The following CDH2 variants were observed in gnomAD, a reference collection of about 807,000 sequenced individuals.
The protein encoded by CDH2 is cadherin-2.
CDH2 carries 17 observed loss-of-function variants against 92.0 expected under a neutral mutation model. The observed-to-expected ratio is 0.18, with a 90% CI of 0.13 to 0.28. The LOEUF is 0.28. Ranked by LOEUF, CDH2 falls within the 10% of genes least tolerant of loss-of-function variation. The pLI is 1.00. For missense variants in CDH2, 862 were observed against 1,133.1 expected (o/e 0.76, Z 3.44); for synonymous variants, 419 against 415.9 (o/e 1.01, Z -0.09).
rs1909212769 is a variant in CDH2, at chr18:27,944,205, C to T, written c.1152-11081G>A. On this transcript the variant is annotated intron_variant, in intron 6 of 6. Transcript: ENST00000675173. Reference sequence around the variant, plus strand: ...AAACTCTAAAATTTCAATATGCAAACTACCTTTCTCACAAAGTAGAAACTA... The same window carrying T: ...AAACTCTAAAATTTCAATATGCAAATTACCTTTCTCACAAAGTAGAAACTA... Among the ~76,000 whole-genome samples, 5 of 152,096 alleles carry T rather than the reference C, an allele frequency of 3.3e-5. No individual in the cohort carries two copies. In the South Asian group the frequency reaches 6.2e-4, roughly 19 times the overall value.
At chr18:28,103,722 A>G (rs1311555633) in intron 2 of CDH2, among the ~76,000 whole-genome samples, 1 of 151,862 alleles carries the variant, frequency 6.6e-6, no homozygotes, top group Non-Finnish European at 1.5e-5. Context: ...TCATTATTCA[A>G]TTCCCACTTA....
At chr18:28,070,463 G>A (rs1032448000) in intron 2 of CDH2, among the ~76,000 whole-genome samples, 3 of 152,190 alleles carry the variant, frequency 2.0e-5, no homozygotes, top group Admixed American at 2.0e-4. Flanking sequence ...CTCATTCCAT[G>A]GCACCAGGTT....
intron 6 of CDH2, among the ~76,000 whole-genome samples, chr18:27,940,506 C>A (rs886714042): frequency 6.6e-6 from 1 of 152,198 alleles, no homozygotes; most frequent in East Asian, 1.9e-4. Flanking sequence ...CCCTTGCCAA[C>A]TCTTTGGAGC....
rs1339975549 is a variant in CDH2, at chr18:28,044,125, C to T, written c.173-30216G>A. 2.0e-5 allele frequency among the ~76,000 whole-genome samples: 3 copies of T among 152,072 alleles called. No homozygotes were observed. In the East Asian group the frequency reaches 5.8e-4, roughly 29 times the overall value. The stretch of plus-strand genomic sequence containing the variant: ...ATAGGTTTTCACCATGTTGGCCAGG[C>T]TGGTCTTTAACTCCTGATCTCAAGT... On this transcript the variant is annotated intron_variant, in intron 2 of 15. Transcript: ENST00000269141.
chr18:28,169,777 T>C (rs2016437413), intron 1 of CDH2, among the ~76,000 whole-genome samples: 2 of 152,200 alleles, frequency 1.3e-5, no homozygotes, highest in South Asian at 4.1e-4. Context: ...TCTTTTTAAA[T>C]AGCTCAAGCT....
Position 28,005,829 on chromosome 18 carries a change from A to T in CDH2, c.847+20T>A, listed in dbSNP as rs760570740. 8.8e-6 allele frequency: 14 copies of T among 1,587,974 alleles called. No individual in the cohort carries two copies. The Admixed American group carries it at 2.4e-4, about 27-fold the overall frequency. ...CATACTTTCCTCAAGTCATCTTCAA[A>T]TTATTATCTTTAAACTTACCAGGCT... On this transcript the variant is annotated intron_variant, in intron 6 of 15. Coordinates refer to ENST00000269141, the MANE Select transcript of CDH2 (RefSeq NM_001792.5).
intron 5 of CDH2, among the ~76,000 whole-genome samples, chr18:28,007,165 AATATATAT>A (rs1555632742): frequency 2.7e-5 from 3 of 110,464 alleles, no homozygotes; most frequent in South Asian, 3.0e-4. Context: ...ATAAAAAAAA[AATATATAT>A]ATATATATAT....
At chr18:28,072,331 A>C (rs1216916871) in intron 2 of CDH2, among the ~76,000 whole-genome samples, 1 of 152,144 alleles carries the variant, frequency 6.6e-6, no homozygotes, top group African/African-American at 2.4e-5. Flanking sequence ...TCCAGCTTCT[A>C]AGCAGTGCTG....
intron 2 of CDH2, among the ~76,000 whole-genome samples, chr18:28,034,747 T>C (rs1479167484): frequency 2.0e-5 from 3 of 151,928 alleles, no homozygotes; most frequent in Admixed American, 6.6e-5. Flanking sequence ...CTCCCTAGAA[T>C]AGACCAGTCA....
intron 1 of CDH2, among the ~76,000 whole-genome samples, chr18:28,166,310 T>C (rs531237581): frequency 5.3e-5 from 8 of 151,928 alleles, no homozygotes; most frequent in South Asian, 2.1e-4. Flanking sequence ...TAAAATGTTA[T>C]ACGCAATCTG....
chr18:28,003,004 T>C lies in CDH2; in HGVS notation c.1013A>G (p.Asp338Gly). The C allele has an allele frequency of 6.2e-7, 1 of 1,613,604 alleles. No homozygotes were observed. Among genetic ancestry groups the C allele is most frequent in the Non-Finnish European group, 8.5e-7 (1 of 1,179,590 alleles). Reference protein sequence around the residue: ...GDIITVAAGLDREKVQQYTLI... With the variant: ...GDIITVAAGLGREKVQQYTLI... Reference sequence around the variant, plus strand: ...AGTTTTTGGTTGGCTTACTTCTCGATCAAGTCCAGCTGCCACTGTGATGAT... The same window carrying C: ...AGTTTTTGGTTGGCTTACTTCTCGACCAAGTCCAGCTGCCACTGTGATGAT... The change falls in exon 7 of 16, where the codon GAT (aspartate) becomes GGT (glycine). Residue 338 changes from aspartate (D) to glycine (G), a missense_variant. Around this residue, in one of 5 missense-constraint regions of CDH2, gnomAD observed 564 missense variants for 722.2 expected, o/e 0.78. Transcript: ENST00000269141.
chr18:27,943,442 C>T (rs1909190921), intron 6 of CDH2, among the ~76,000 whole-genome samples: 1 of 152,202 alleles, frequency 6.6e-6, no homozygotes, highest in African/African-American at 2.4e-5. Flanking sequence ...TAGACTCAGA[C>T]ACTCTGATGC....
intron 15 of CDH2, 51 bp downstream of exon 15, chr18:27,963,306 C>T (rs1442382494): frequency 6.4e-7 from 1 of 1,557,784 alleles, no homozygotes; most frequent in South Asian, 1.1e-5. Context: ...GAGATCTAAC[C>T]ATTAGCATGA....
Position 28,156,226 on chromosome 18 carries a change from T to C in CDH2, c.61-8442A>G, listed in dbSNP as rs560182552. Reference sequence around the variant, plus strand: ...GTACTTTTAGTTTTCTCATTGTCATTTCTTTTAATCAAGTAAGGACAAAGA... The same window carrying C: ...GTACTTTTAGTTTTCTCATTGTCATCTCTTTTAATCAAGTAAGGACAAAGA... On this transcript the variant is annotated intron_variant, in intron 1 of 15. Transcript: ENST00000269141. 2.0e-5 allele frequency among the ~76,000 whole-genome samples: 3 copies of C among 152,338 alleles called. No individual in the cohort carries two copies. The South Asian group carries it at 6.2e-4, about 32-fold the overall frequency.
intron 2 of CDH2, among the ~76,000 whole-genome samples, chr18:28,036,782 A>C (rs984510996): frequency 2.6e-5 from 4 of 152,172 alleles, no homozygotes; most frequent in African/African-American, 7.2e-5. Flanking sequence ...CCTTGGGCAC[A>C]ACACAAAACC....
chr18:27,961,059 GAC>G lies in CDH2; in HGVS notation c.2514+2296_2514+2297del, dbSNP rs757502093. On this transcript the variant is annotated intron_variant, in intron 15 of 15. Transcript: ENST00000269141. ...AAAAAAATCAATGACCATAGACATA[GAC>G]ACACACACACAAACAAACACACACT... 8.6e-5 allele frequency among the ~76,000 whole-genome samples: 13 copies of G among 151,146 alleles called. No individual in the cohort carries two copies. In the South Asian group the frequency reaches 1.1e-3, roughly 12 times the overall value.
chr18:28,016,209 A>G (rs1239433229), intron 2 of CDH2, among the ~76,000 whole-genome samples: 5 of 152,230 alleles, frequency 3.3e-5, no homozygotes, highest in African/African-American at 1.2e-4. Context: ...ATGGTTATTA[A>G]TAATTTCATA....
At chr18:27,973,483 C>T (rs1351888760) in intron 14 of CDH2, among the ~76,000 whole-genome samples, 1 of 152,134 alleles carries the variant, frequency 6.6e-6, no homozygotes, top group African/African-American at 2.4e-5. Context: ...CCTTACATTC[C>T]GTTTCTCATG....
chr18:28,076,121 T>G (rs1350489439), intron 2 of CDH2, among the ~76,000 whole-genome samples: 1 of 152,188 alleles, frequency 6.6e-6, no homozygotes, highest in Non-Finnish European at 1.5e-5. Context: ...TCCAGCCTTC[T>G]TTATGTAGCA....
Sources: allele counts gnomAD v4.1 joint callset (sites outside exome capture counted in the v4.1 genomes callset), GRCh38; gene constraint gnomAD v4.1.1; regional missense constraint gnomAD v4.1.1; transcripts MANE v1.5; gene names NCBI Gene and HGNC (gene_info 2026-07-23, HGNC 2026-07-21).